ZNF536: variants seen among roughly 807,000 people sequenced by gnomAD.
The protein encoded by ZNF536 is zinc finger protein 536.
ZNF536 carries 13 observed loss-of-function variants against 84.5 expected under a neutral mutation model. The ratio of observed to expected loss-of-function variants is 0.15; its 90% confidence interval spans 0.10 to 0.24. The LOEUF (loss-of-function observed/expected upper bound fraction) is 0.24, where lower values mean the gene tolerates loss of function less well. ZNF536 is among the 10% of genes least tolerant of loss of function. The pLI is 1.00. For synonymous variants in ZNF536, 811 were observed against 742.5 expected, an observed-to-expected ratio of 1.09 and a Z score of -1.50; for missense variants, 1,536 against 1,747.5, an observed-to-expected ratio of 0.88 and a Z score of 2.16.
At chr19:30,480,853 T>C (rs774978983) in intron 2 of ZNF536, among the ~76,000 whole-genome samples, 1 of 152,156 alleles carries the variant, frequency 6.6e-6, no homozygotes, top group Non-Finnish European at 1.5e-5. Context: ...CTGGCCAACA[T>C]GGCGAAACAC....
intron 1 of ZNF536, among the ~76,000 whole-genome samples, chr19:30,697,222 T>C (rs1436250699): frequency 6.6e-6 from 1 of 151,898 alleles, no homozygotes. Context: ...GGGGAAATGG[T>C]CCCCATGATC....
intron 1 of ZNF536, among the ~76,000 whole-genome samples, chr19:30,697,157 C>T (rs929797683): frequency 6.6e-6 from 1 of 152,132 alleles, no homozygotes; most frequent in African/African-American, 2.4e-5. Flanking sequence ...CTGCCAAACA[C>T]TTTTAAAACC....
intron 1 of ZNF536, among the ~76,000 whole-genome samples, chr19:30,694,591 G>A (rs2051573883): frequency 6.6e-6 from 1 of 152,224 alleles, no homozygotes; most frequent in East Asian, 1.9e-4. Context: ...GATCTTGCCA[G>A]ACCTCCTGAC....
At position 30,246,654 on chromosome 19, in the gene ZNF536, G is replaced by A. The variant is rs35383379; in HGVS notation, c.-190+17981G>A. On this transcript the variant is annotated intron_variant, in intron 1 of 5. Transcript: ENST00000585628. ...GTGAGGAAAGTAATAAAACCTTAAT[G>A]AGTAACAGAAGTGAATGAAGAGTGT... 5.0e-3 allele frequency among the ~76,000 whole-genome samples: 768 copies of A among 152,296 alleles called. 4 individuals are homozygous for A. The highest frequency in any genetic ancestry group is 8.8e-3 in the Non-Finnish European group (597 of 68,020).
At chr19:30,306,927 A>C (rs1408559775) in intron 2 of ZNF536, among the ~76,000 whole-genome samples, 1 of 152,218 alleles carries the variant, frequency 6.6e-6, no homozygotes, top group East Asian at 1.9e-4. Context: ...AACCCTAGAA[A>C]ATTCAGTATG....
chr19:30,347,765 T>C (rs2146657161), intron 2 of ZNF536, among the ~76,000 whole-genome samples: 1 of 152,234 alleles, frequency 6.6e-6, no homozygotes, highest in African/African-American at 2.4e-5. Context: ...ACAGAAGAAA[T>C]AGGAATATTC....
At chr19:30,600,495 G>A (rs776647841) in intron 1 of ZNF536, among the ~76,000 whole-genome samples, 17 of 152,150 alleles carry the variant, frequency 1.1e-4, no homozygotes, top group African/African-American at 3.6e-4. Flanking sequence ...CAGGCTGACC[G>A]TTTCATGAAT....
At chr19:30,323,498 A>G (rs2046924936) in intron 2 of ZNF536, among the ~76,000 whole-genome samples, 1 of 152,250 alleles carries the variant, frequency 6.6e-6, no homozygotes, top group Admixed American at 6.5e-5. Flanking sequence ...AGTGTGTGTC[A>G]GTTTAGACTT....
intron 1 of ZNF536, among the ~76,000 whole-genome samples, chr19:30,262,068 T>C (rs1199057571): frequency 6.6e-6 from 1 of 152,190 alleles, no homozygotes; most frequent in East Asian, 1.9e-4. Context: ...TGATGAGAAA[T>C]CTAGTTCACC....
chr19:30,374,784 G>A (rs1305279272), intron 1 of ZNF536, among the ~76,000 whole-genome samples: 1 of 151,808 alleles, frequency 6.6e-6, no homozygotes, highest in Non-Finnish European at 1.5e-5. Flanking sequence ...GGCCGGGGGA[G>A]CTGCGAGGCC....
At chr19:30,257,791 C>CG (rs2024989233) in intron 1 of ZNF536, among the ~76,000 whole-genome samples, 1 of 152,192 alleles carries the variant, frequency 6.6e-6, no homozygotes, top group African/African-American at 2.4e-5. Context: ...TGCTCCTGGG[C>CG]GGACCCATTG....
intron 2 of ZNF536, among the ~76,000 whole-genome samples, chr19:30,464,752 A>G (rs994554136): frequency 2.0e-5 from 3 of 152,050 alleles, no homozygotes; most frequent in Non-Finnish European, 4.4e-5. Flanking sequence ...GAGCCTGAGC[A>G]CAGGAGAAAG....
In ZNF536 at chr19:30,465,039, T is replaced by C. The variant is rs575103954; in HGVS notation, c.2170+19307T>C. Among the ~76,000 whole-genome samples the C allele has an allele frequency of 3.3e-5, 5 of 152,270 alleles. No individual in the cohort carries two copies. The East Asian group carries it at 5.8e-4, about 18-fold the overall frequency. On this transcript the variant is annotated intron_variant, in intron 2 of 4. Transcript: ENST00000355537. ...TCAGCCCAGGCAACAGAGTGGTCAT[T>C]GGAACCATATTGTTTCCACGCTTAG...
At chr19:30,519,073 A>G (rs974867325) in intron 2 of ZNF536, among the ~76,000 whole-genome samples, 1 of 152,194 alleles carries the variant, frequency 6.6e-6, no homozygotes, top group Non-Finnish European at 1.5e-5. Context: ...AGAAGTACCC[A>G]GGCAGAACGA....
chr19:30,395,479 A>T lies in ZNF536; in HGVS notation c.-3+22923A>T, dbSNP rs145903780. 3.6e-3 allele frequency among the ~76,000 whole-genome samples: 545 copies of T among 152,336 alleles called. 4 individuals carry two copies. The highest frequency in any genetic ancestry group is 0.012 in the African/African-American group (515 of 41,586). On this transcript the variant is annotated intron_variant, in intron 1 of 4. Transcript: ENST00000355537. ...ATTGGTTAAGAACTGTGCCTCCTGC[A>T]GGAAGATGACTCAGGGTCACCCAGA... is the stretch of plus-strand genomic sequence containing the variant.
At position 30,436,549 on chromosome 19, in the gene ZNF536, G is replaced by A. The variant is rs570802099; in HGVS notation, c.-2-7012G>A. On this transcript the variant is annotated intron_variant, in intron 1 of 4. Transcript: ENST00000355537. ...AGCATGAAATCTCTGGTTTATTTTT[G>A]TAATAATGTTTACAGCTGTTTAATG... is the stretch of plus-strand genomic sequence containing the variant. 2.0e-4 allele frequency: 200 copies of A among 981,824 alleles called. 5 individuals are homozygous for A. The South Asian group carries it at 8.8e-3, about 43-fold the overall frequency. The allele number at this position is 981,824 out of a possible 1,614,324, so 60.8% of individuals were successfully genotyped here.
At chr19:30,707,298 G>C (rs915792720) in intron 1 of ZNF536, among the ~76,000 whole-genome samples, 1 of 152,108 alleles carries the variant, frequency 6.6e-6, no homozygotes, top group Non-Finnish European at 1.5e-5. Context: ...TTCAGTCTAT[G>C]CCCTAACTCC....
chr19:30,627,151 A>G (rs1448342073), intron 1 of ZNF536, among the ~76,000 whole-genome samples: 1 of 151,980 alleles, frequency 6.6e-6, no homozygotes, highest in Non-Finnish European at 1.5e-5. Context: ...GGGTAGATAA[A>G]TGGTTAGGTA....
At chr19:30,323,734 G>A (rs2046932554) in intron 2 of ZNF536, among the ~76,000 whole-genome samples, 1 of 152,114 alleles carries the variant, frequency 6.6e-6, no homozygotes, top group South Asian at 2.1e-4. Flanking sequence ...ATTAGAGGTG[G>A]CATTGCTGGT....
Sources: allele counts gnomAD v4.1 joint callset (sites outside exome capture counted in the v4.1 genomes callset), GRCh38; gene constraint gnomAD v4.1.1; transcripts MANE v1.5; gene names NCBI Gene and HGNC (gene_info 2026-07-23, HGNC 2026-07-21).